Variants in GTF3C1 observed in about 807,000 individuals in gnomAD.
GTF3C1 encodes the protein general transcription factor IIIC subunit 1.
A neutral mutation model predicts 226.7 loss-of-function variants in GTF3C1; 57 were observed. That is an observed-to-expected ratio of 0.25 (90% confidence interval 0.20 to 0.31). GTF3C1 has a LOEUF of 0.31. Among genes scored for constraint, GTF3C1 ranks in the 10% least tolerant of loss-of-function variants. The pLI, the probability that GTF3C1 is intolerant of heterozygous loss-of-function variation, is 1.00. For missense variants in GTF3C1, 2,217 were observed against 2,776.1 expected (o/e 0.80, Z 4.53); for synonymous variants, 1,090 against 1,084.8 (o/e 1.00, Z -0.09).
At position 27,464,767 on chromosome 16, in the gene GTF3C1, C is replaced by A. The variant is rs778419217; in HGVS notation, c.5425G>T (p.Ala1809Ser). The A allele has an allele frequency of 7.0e-6, 11 of 1,567,844 alleles. No homozygotes were observed. In the African/African-American group the frequency reaches 1.4e-4, roughly 20 times the overall value. ...NTARLVAMGS[A>S]WPWLLHSVRL... ...ACGGAGTGCAGGAGCCAAGGCCAGG[C>A]AGAGCCCATGGCTACCAGGCGCGCA... Residue 1809 changes from alanine (A) to serine (S), a missense_variant, in exon 34 of 37, where the codon GCC becomes TCC. By Grantham distance (99) the Ala-to-Ser change is moderately conservative. Transcript: ENST00000356183.
In GTF3C1 at chr16:27,533,336, T is replaced by C. The variant is rs779237690; in HGVS notation, c.804A>G (p.Thr268=). 2.2e-5 allele frequency: 36 copies of C among 1,609,476 alleles called. No homozygotes were observed. The highest frequency in any genetic ancestry group is 2.8e-5 in the Non-Finnish European group (33 of 1,175,746). ...CCAGCGTCTCTATGTGGTTAGTCCG[T>C]GTGCTCAGCATGACCGAAAGCTTCT... ...LMEKLSVMLS[T]RTNHIETLGK... The change falls in exon 5 of 37, where the codon ACA becomes ACG. Residue 268 remains threonine, a synonymous_variant. Coordinates refer to ENST00000356183, the MANE Select transcript of GTF3C1 (RefSeq NM_001520.4).
chr16:27,502,902 T>C lies in GTF3C1; in HGVS notation c.1864A>G (p.Ile622Val), dbSNP rs1275841620. ...AAGCGAAGATTGGTGACAGCTTCTA[T>C]GATCAGATTCCTGCGTTTCAGCAGT... Reference protein sequence around the residue: ...YRLLKRRNLIIEAVTNLRLIE... With the variant: ...YRLLKRRNLIVEAVTNLRLIE... The change falls in exon 11 of 37, where the codon ATA becomes GTA. Residue 622 changes from isoleucine (I) to valine (V), a missense_variant. Ile to Val is a conservative substitution (Grantham distance 29). This residue lies in a region of GTF3C1 where 52 missense variants were observed against 110.8 expected (regional missense o/e 0.47). Transcript: ENST00000356183. 8.1e-6 allele frequency: 13 copies of C among 1,610,610 alleles called. No homozygotes were observed. Among genetic ancestry groups the C allele is most frequent in the Non-Finnish European group, 1.1e-5 (13 of 1,178,390 alleles).
intron 34 of GTF3C1, 41 bp downstream of exon 34, chr16:27,464,279 A>AGGGTG: frequency 8.2e-7 from 1 of 1,215,276 alleles, no homozygotes; most frequent in East Asian, 3.0e-5. Flanking sequence ...AGGGAAAGCC[A>AGGGTG]GGGTGGGGTG....
rs767121848 is a variant in GTF3C1, at chr16:27,471,944, G to A, written c.4354-24C>T. On this transcript the variant is annotated intron_variant, in intron 29 of 36. Coordinates refer to ENST00000356183, the MANE Select transcript of GTF3C1 (RefSeq NM_001520.4). The surrounding 1 kb of genome is among the most constrained non-coding windows in gnomAD (Gnocchi z 5.0). The stretch of plus-strand genomic sequence containing the variant: ...GTCTGCAACACAGGGCGGCGAGGGT[G>A]AGTAGGGTTCTCCAGCCGGCCACGG... 1.9e-6 allele frequency: 3 copies of A among 1,610,900 alleles called. No individual in the cohort carries two copies. The highest frequency in any genetic ancestry group is 1.7e-5 in the Admixed American group (1 of 59,986).
chr16:27,540,264 T>TGCG (rs1435841354), intron 2 of GTF3C1, among the ~76,000 whole-genome samples: 1 of 152,220 alleles, frequency 6.6e-6, no homozygotes, highest in Non-Finnish European at 1.5e-5. Flanking sequence ...GCCCATATAG[T>TGCG]GCGTCTTCAA....
Position 27,488,907 on chromosome 16 carries a change from G to C in GTF3C1, c.3429+136C>G. 7 of 805,234 alleles carry C rather than the reference G, an allele frequency of 8.7e-6. No homozygotes were observed. The South Asian group carries it at 9.4e-5, about 11-fold the overall frequency. The allele number at this position is 805,234 out of a possible 1,614,324, so 49.9% of individuals were successfully genotyped here. A position where few individuals can be genotyped will look rare whatever the true frequency, so the allele number is the denominator to read the frequency against. On this transcript the variant is annotated intron_variant, in intron 21 of 36. Transcript: ENST00000356183. ...CATCCACTGGGAATAAAACAGGCCA[G>C]GCACACATTTAAGGGGCCTGACGCA... is the stretch of plus-strand genomic sequence containing the variant.
intron 14 of GTF3C1, 73 bp from the exon 15 acceptor site, chr16:27,495,565 G>T (rs2088304071): frequency 1.4e-6 from 2 of 1,381,424 alleles, no homozygotes; most frequent in Non-Finnish European, 2.0e-6. Flanking sequence ...ATTAAAAAAT[G>T]ATTGAGTGCC....
In GTF3C1 at chr16:27,489,982, C is replaced by G. The variant is rs79758133; in HGVS notation, c.3152-239G>C. On this transcript the variant is annotated intron_variant, in intron 19 of 36. Transcript: ENST00000356183. ...GGGTGACCTAAGGAAAGGGTCTATG[C>G]CAGGCTGAATTCACTGAAGACAGAA... Among the ~76,000 whole-genome samples, 1,020 of 152,302 alleles carry G rather than the reference C, an allele frequency of 6.7e-3. 8 individuals are homozygous for G. Among genetic ancestry groups the G allele is most frequent in the Admixed American group, 0.014 (216 of 15,302 alleles).
chr16:27,465,677 T>G (rs746697754), intron 32 of GTF3C1, 137 bp from the exon 33 acceptor site: 13 of 681,994 alleles, frequency 1.9e-5, no homozygotes, highest in Non-Finnish European at 3.2e-5. Flanking sequence ...GGTCACCTGC[T>G]GGGTGGACAC....
In GTF3C1 at chr16:27,469,846, G is replaced by A. The variant is rs959906893; in HGVS notation, c.4814+262C>T. On this transcript the variant is annotated intron_variant, in intron 31 of 36. Coordinates refer to ENST00000356183, the MANE Select transcript of GTF3C1 (RefSeq NM_001520.4). The surrounding 1 kb of genome is among the most constrained non-coding windows in gnomAD (Gnocchi z 4.5). ...CCCCAGGAAGCCCCAGTTCTGTTGC[G>A]AGGCCCTCAGGAACAGTCCTCCCTT... 6.6e-6 allele frequency among the ~76,000 whole-genome samples: 1 copy of A among 152,088 alleles called. No individual in the cohort carries two copies. Among genetic ancestry groups the A allele is most frequent in the South Asian group, 2.1e-4 (1 of 4,824 alleles).
rs757783362 is a variant in GTF3C1 at position 27,511,842 on chromosome 16, C to T, written c.1033G>A (p.Asp345Asn). 2 of 1,614,202 alleles carry T rather than the reference C, an allele frequency of 1.2e-6. No homozygotes were observed. Among genetic ancestry groups the T allele is most frequent in the Non-Finnish European group, 1.7e-6 (2 of 1,180,046 alleles). Residue 345 changes from aspartate (D) to asparagine (N), a missense_variant, in exon 7 of 37, where the codon GAT (aspartate) becomes AAT (asparagine). Physicochemically the swap from Asp to Asn is conservative, Grantham distance 23. This residue lies in a region of GTF3C1 where 163 missense variants were observed against 234.3 expected (regional missense o/e 0.70). Coordinates refer to ENST00000356183, the MANE Select transcript of GTF3C1 (RefSeq NM_001520.4). ...ATGACCTCCTCGTCCTCGTCATCAT[C>T]ATGGTCATTCCGTTTAAATTCCTTC... ...LLKEFKRNDH[D>N]DDEDEEVISK...
Position 27,506,031 on chromosome 16 carries a change from G to A in GTF3C1, c.1638C>T (p.Ser546=), listed in dbSNP as rs2088479654. ...PGAAEERACQ[S]LASRDSLLDT... is the part of the protein sequence containing the mutation. ...CTAAGAGGCTGTCCCTGCTGGCAAG[G>A]CTCTGGCAGGCTCTCTCTTCAGCAG... Residue 546 remains serine, a synonymous_variant, in exon 10 of 37, where the codon AGC becomes AGT. Transcript: ENST00000356183. 1 of 1,612,668 alleles carries A rather than the reference G, an allele frequency of 6.2e-7. No individual in the cohort carries two copies. Among genetic ancestry groups the A allele is most frequent in the Non-Finnish European group, 8.5e-7 (1 of 1,178,730 alleles).
chr16:27,541,318 G>A (rs1357604932), intron 2 of GTF3C1, among the ~76,000 whole-genome samples: 1 of 152,172 alleles, frequency 6.6e-6, no homozygotes, highest in Non-Finnish European at 1.5e-5. Context: ...AGGAAGGAAG[G>A]AAAGCTCGAG....
Position 27,461,278 on chromosome 16 carries a change from G to A in GTF3C1, c.*72C>T. 1.0e-6 allele frequency: 1 copy of A among 969,868 alleles called. No homozygotes were observed. Among genetic ancestry groups the A allele is most frequent in the Non-Finnish European group, 1.6e-6 (1 of 635,298 alleles). 60.1% of individuals were successfully genotyped at this position (969,868 alleles called of 1,614,324 possible). A position where few individuals can be genotyped will look rare whatever the true frequency, so the allele number is the denominator to read the frequency against. On this transcript the variant is annotated 3_prime_UTR_variant, in exon 37 of 37. Coordinates refer to ENST00000356183, the MANE Select transcript of GTF3C1 (RefSeq NM_001520.4). This position sits in a 1 kb window ranked among gnomAD's most constrained non-coding sequence, Gnocchi z 5.3. ...GCAGACCCAAGGCCAGGGCACAGTGGGGTCTGCCGAGCACCAGGCAGGAGT... is the reference window on the plus strand; with the variant it reads ...GCAGACCCAAGGCCAGGGCACAGTGAGGTCTGCCGAGCACCAGGCAGGAGT...
In GTF3C1 at chr16:27,538,191, G is replaced by A; in HGVS notation, c.597C>T (p.Thr199=). 1 of 1,566,146 alleles carries A rather than the reference G, an allele frequency of 6.4e-7. No individual in the cohort carries two copies. Among genetic ancestry groups the A allele is most frequent in the Admixed American group, 2.0e-5 (1 of 49,080 alleles). ...ATCCCCCCACTTACTTGAAAGCAGT[G>A]GTGTGAAGGTCTCGCTGGAGCTCCC... is the stretch of plus-strand genomic sequence containing the variant. ...WQGELQRDLH[T]TAFKVDAGKL... Residue 199 remains threonine (T), a synonymous_variant, in exon 3 of 37, where the codon ACC becomes ACT. Coordinates refer to ENST00000356183, the MANE Select transcript of GTF3C1 (RefSeq NM_001520.4).
chr16:27,516,640 T>C (rs1207692932), intron 6 of GTF3C1, among the ~76,000 whole-genome samples: 2 of 152,154 alleles, frequency 1.3e-5, no homozygotes, highest in African/African-American at 2.4e-5. Context: ...ATCACATATA[T>C]ACATATATAT....
chr16:27,461,434 G>C lies in GTF3C1; in HGVS notation c.6246C>G (p.Phe2082Leu). Reference sequence around the variant, plus strand: ...GGGTACAGTCCAAGGTGGGCTCATAGAAAGCCATGGGGCTCTCGTCCAGGC... The same window carrying C: ...GGGTACAGTCCAAGGTGGGCTCATACAAAGCCATGGGGCTCTCGTCCAGGC... ...PSSLDESPMA[F>L]YEPTLDCTLR... Residue 2082 changes from phenylalanine to leucine, a missense_variant, in exon 37 of 37, where the codon TTC (phenylalanine) becomes TTG (leucine). Around this residue, in one of 12 missense-constraint regions of GTF3C1, gnomAD observed 153 missense variants for 199.8 expected, o/e 0.77. Coordinates refer to ENST00000356183, the MANE Select transcript of GTF3C1 (RefSeq NM_001520.4). This position sits in a 1 kb window ranked among gnomAD's most constrained non-coding sequence, Gnocchi z 5.3. The C allele has an allele frequency of 6.2e-7, 1 of 1,613,998 alleles. No homozygotes were observed.
rs780298084 is a variant in GTF3C1 at position 27,463,547 on chromosome 16, C to T, written c.5918G>A (p.Arg1973Gln). The T allele has an allele frequency of 2.2e-5, 35 of 1,592,782 alleles. No homozygotes were observed. Among genetic ancestry groups the T allele is most frequent in the Admixed American group, 6.7e-5 (4 of 59,972 alleles). ...FGAANISQAA[R>Q]ERDCESVCFI... ...GCCAGAACCCCACACCCACCTTTCCCGTGCTGCCTGGGAGATGTTGGCAGC... is the reference window on the plus strand; with the variant it reads ...GCCAGAACCCCACACCCACCTTTCCTGTGCTGCCTGGGAGATGTTGGCAGC... The change falls in exon 35 of 37, where the codon CGG becomes CAG. Residue 1973 changes from arginine to glutamine, a missense_variant. Transcript: ENST00000356183. This position sits in a 1 kb window ranked among gnomAD's most constrained non-coding sequence, Gnocchi z 4.9.
At chr16:27,487,273 T>A (rs1420935233) in intron 23 of GTF3C1, among the ~76,000 whole-genome samples, 1 of 152,186 alleles carries the variant, frequency 6.6e-6, no homozygotes, top group East Asian at 1.9e-4. Context: ...GCCAGCCAAA[T>A]AAACCACTAA....
Sources: allele counts gnomAD v4.1 joint callset (sites outside exome capture counted in the v4.1 genomes callset), GRCh38; gene constraint gnomAD v4.1.1; regional missense constraint gnomAD v4.1.1; non-coding constraint Gnocchi (gnomAD v3.1); transcripts MANE v1.5; gene names NCBI Gene and HGNC (gene_info 2026-07-23, HGNC 2026-07-21).